HNF1B: variants seen among roughly 807,000 people sequenced by gnomAD.
HNF1B encodes the protein hepatocyte nuclear factor 1-beta.
A neutral mutation model predicts 61.7 loss-of-function variants in HNF1B; 8 were observed. The ratio of observed to expected loss-of-function variants is 0.13; its 90% CI spans 0.08 to 0.23. The LOEUF (loss-of-function observed/expected upper bound fraction) is 0.23, where lower values mean the gene tolerates loss of function less well. HNF1B is among the 10% of genes least tolerant of loss of function. The pLI, the probability that HNF1B is intolerant of heterozygous loss-of-function variation, is 1.00. For missense variants in HNF1B, 562 were observed against 714.5 expected (o/e 0.79, Z 2.43); for synonymous variants, 314 against 287.7 (o/e 1.09, Z -0.93).
In HNF1B at chr17:37,744,753, C is replaced by T; in HGVS notation, c.132G>A (p.Glu44=). 6.2e-7 allele frequency: 1 copy of T among 1,613,590 alleles called. No homozygotes were observed. The highest frequency in any genetic ancestry group is 1.1e-5 in the South Asian group (1 of 91,088). Residue 44 remains glutamate (E), a synonymous_variant, in exon 1 of 9, where the codon GAG becomes GAA. Transcript: ENST00000617811. ...LPSPNFGVKL[E]TLPLSPGSGA... ...CGCTGCCAGGGGACAGGGGCAGCGT[C>T]TCCAGCTTCACCCCGAAGTTCGGGG...
chr17:37,702,487 C>T (rs2032605492), intron 6 of HNF1B, among the ~76,000 whole-genome samples: 1 of 152,166 alleles, frequency 6.6e-6, no homozygotes, highest in Non-Finnish European at 1.5e-5. Flanking sequence ...TCAGCGTCTC[C>T]TCAAGCCAGC....
Position 37,710,669 on chromosome 17 carries a change from AAAC to A in HNF1B, c.1046-9_1046-7del, listed in dbSNP as rs2032905438. 1 of 1,612,588 alleles carries A rather than the reference AAAC, an allele frequency of 6.2e-7. No homozygotes were observed. The highest frequency in any genetic ancestry group is 8.5e-7 in the Non-Finnish European group (1 of 1,179,142). On this transcript the variant is annotated splice_polypyrimidine_tract_variant and splice_region_variant and intron_variant, in intron 4 of 8. Coordinates refer to ENST00000617811, the MANE Select transcript of HNF1B (RefSeq NM_000458.4). ...CTGCTGGCTGTAGCGCACTCCTGCA[AAAC>A]AACACAAACCCAGTAGGGAACATTA...
chr17:37,705,097 A>C, intron 5 of HNF1B, 48 bp from the exon 6 acceptor site: 1 of 1,584,258 alleles, frequency 6.3e-7, no homozygotes, highest in Non-Finnish European at 8.6e-7. Flanking sequence ...CTTGGACCAC[A>C]AAGAGCAGTT....
At chr17:37,741,090 GA>G (rs1031660368) in intron 1 of HNF1B, among the ~76,000 whole-genome samples, 1 of 151,092 alleles carries the variant, frequency 6.6e-6, no homozygotes, top group Non-Finnish European at 1.5e-5. Flanking sequence ...GATAGAACAA[GA>G]AAAAAAACGG....
intron 4 of HNF1B, among the ~76,000 whole-genome samples, chr17:37,722,799 A>G (rs777328180): frequency 6.6e-6 from 1 of 152,166 alleles, no homozygotes; most frequent in African/African-American, 2.4e-5. Context: ...ACGCATGCTC[A>G]CAGGTTGAGG....
At chr17:37,744,418 C>T (rs942547625) in intron 1 of HNF1B, 123 bp downstream of exon 1, 2 of 986,168 alleles carry the variant, frequency 2.0e-6, no homozygotes, top group Non-Finnish European at 3.1e-6. Flanking sequence ...GCAGAGCGCC[C>T]CCCGGGGGAC....
At chr17:37,740,932 TA>T (rs1469781368) in intron 1 of HNF1B, among the ~76,000 whole-genome samples, 2 of 152,186 alleles carry the variant, frequency 1.3e-5, no homozygotes, top group Non-Finnish European at 2.9e-5. Context: ...AGATATAATT[TA>T]AAACTAGAAA....
intron 8 of HNF1B, among the ~76,000 whole-genome samples, chr17:37,687,774 T>C (rs1188220283): frequency 1.3e-5 from 2 of 152,206 alleles, no homozygotes; most frequent in African/African-American, 4.8e-5. Flanking sequence ...CAAGGGTCTC[T>C]TCCTAAGACC....
intron 4 of HNF1B, among the ~76,000 whole-genome samples, chr17:37,725,572 AAGG>A (rs1352944450): frequency 6.6e-6 from 1 of 152,218 alleles, no homozygotes; most frequent in East Asian, 1.9e-4. Flanking sequence ...AGTCCCTAAG[AAGG>A]AGAATGCTGG....
chr17:37,714,382 G>T (rs573504857), intron 4 of HNF1B, among the ~76,000 whole-genome samples: 1 of 152,356 alleles, frequency 6.6e-6, no homozygotes, highest in South Asian at 2.1e-4. Context: ...ACCAATGCAA[G>T]TTCTTAAAGT....
intron 4 of HNF1B, among the ~76,000 whole-genome samples, chr17:37,723,474 C>A (rs1168529932): frequency 6.6e-6 from 1 of 152,230 alleles, no homozygotes; most frequent in African/African-American, 2.4e-5. Flanking sequence ...CTCCCCTCTG[C>A]CCCCACCAAT....
At chr17:37,699,454 T>A (rs1229092506) in intron 7 of HNF1B, among the ~76,000 whole-genome samples, 1 of 152,200 alleles carries the variant, frequency 6.6e-6, no homozygotes, top group African/African-American at 2.4e-5. Context: ...CAGGGAGGCC[T>A]CCGGTACGGA....
At chr17:37,724,004 G>C (rs1206094298) in intron 4 of HNF1B, among the ~76,000 whole-genome samples, 2 of 152,184 alleles carry the variant, frequency 1.3e-5, no homozygotes, top group Non-Finnish European at 2.9e-5. Flanking sequence ...TTTTGTCACT[G>C]TGCTGGCTGG....
chr17:37,744,904 AAGGGGGTG>A lies in HNF1B; in HGVS notation c.-28_-21del. The A allele has an allele frequency of 6.1e-6, 5 of 821,750 alleles. No individual in the cohort carries two copies. Among genetic ancestry groups the A allele is most frequent in the Non-Finnish European group, 9.6e-6 (5 of 521,712 alleles). 50.9% of individuals were successfully genotyped at this position (821,750 alleles called of 1,614,324 possible). A position where few individuals can be genotyped will look rare whatever the true frequency, so the allele number is the denominator to read the frequency against. ...CACCATTTTCCAAGGACGGAAAAAG[AAGGGGGTG>A]AGGGGGTGGGTGGGTGCGAGAGAGG... On this transcript the variant is annotated 5_prime_UTR_variant, in exon 1 of 9. Coordinates refer to ENST00000617811, the MANE Select transcript of HNF1B (RefSeq NM_000458.4).
chr17:37,745,004 C>T lies in HNF1B; in HGVS notation c.-120G>A. ...ACCCCTCCACCCTTCAGCCTCCAGA[C>T]ACCTGTTACTCCCCGGGGTCCCGGA... On this transcript the variant is annotated 5_prime_UTR_variant, in exon 1 of 9. Coordinates refer to ENST00000617811, the MANE Select transcript of HNF1B (RefSeq NM_000458.4). The T allele has an allele frequency of 2.4e-6, 2 of 833,060 alleles. No individual in the cohort carries two copies. Among genetic ancestry groups the T allele is most frequent in the East Asian group, 2.7e-5 (1 of 37,590 alleles). 51.6% of individuals were successfully genotyped at this position (833,060 alleles called of 1,614,324 possible). A position where few individuals can be genotyped will look rare whatever the true frequency, so the allele number is the denominator to read the frequency against.
intron 4 of HNF1B, among the ~76,000 whole-genome samples, chr17:37,714,470 G>A (rs1159713453): frequency 6.6e-6 from 1 of 152,212 alleles, no homozygotes; most frequent in Non-Finnish European, 1.5e-5. Context: ...ACCCATAGGA[G>A]AAATGACAGT....
intron 1 of HNF1B, among the ~76,000 whole-genome samples, chr17:37,743,574 A>G (rs11263763): frequency 0.43 from 64,908 of 152,220 alleles, 14,295 homozygotes; most frequent in Middle Eastern, 0.56. Flanking sequence ...CCGAAATCGC[A>G]GCGCTTCAGT....
At chr17:37,737,866 A>G (rs71382483) in intron 2 of HNF1B, among the ~76,000 whole-genome samples, 4,583 of 152,104 alleles carry the variant, frequency 0.03, 221 homozygotes, top group African/African-American at 0.1. Flanking sequence ...AATAAATAAA[A>G]CAAAAATAAC....
chr17:37,744,706 G>A lies in HNF1B; in HGVS notation c.179C>T (p.Pro60Leu), dbSNP rs778234238. Residue 60 changes from proline (P) to leucine (L), a missense_variant, in exon 1 of 9, where the codon CCG (proline) becomes CTG (leucine). This residue lies in a region of HNF1B where 148 missense variants were observed against 147.3 expected (regional missense o/e 1.00). Coordinates refer to ENST00000617811, the MANE Select transcript of HNF1B (RefSeq NM_000458.4). ...GCCGTTGGTGAGAGTATGGAAGACC[G>A]GCTTGGTGTCGGGCTCGGCCCCGCT... ...PGSGAEPDTK[P>L]VFHTLTNGHA... The A allele has an allele frequency of 1.9e-6, 3 of 1,613,488 alleles. No individual in the cohort carries two copies. The South Asian group carries it at 3.3e-5, about 18-fold the overall frequency.
Sources: gnomAD v4.1 joint callset for allele counts (sites outside exome capture counted in the v4.1 genomes callset) on GRCh38, gnomAD v4.1.1 for gene constraint, gnomAD v4.1.1 regional missense constraint, MANE v1.5 for transcripts, NCBI Gene and HGNC (gene_info 2026-07-23, HGNC 2026-07-21) for gene names.